ULK4: variants seen among roughly 807,000 people sequenced by gnomAD.
ULK4 encodes the protein unc-51 like kinase 4, also known as inactive serine/threonine-protein kinase ULK4.
A neutral mutation model predicts 160.6 loss-of-function variants in ULK4; 133 were observed. That is an observed-to-expected ratio of 0.83 (90% CI 0.72 to 0.96). The LOEUF (loss-of-function observed/expected upper bound fraction) is 0.96. Among genes scored for constraint, ULK4 ranks in the 40% least tolerant of loss-of-function variants. The pLI is 0.00. For missense variants in ULK4, 1,580 were observed against 1,499.5 expected, an observed-to-expected ratio of 1.05 and a Z score of -0.89; for synonymous variants, 534 against 539.8, an observed-to-expected ratio of 0.99 and a Z score of 0.15.
At chr3:41,580,745 A>C (rs2030250935) in intron 31 of ULK4, among the ~76,000 whole-genome samples, 1 of 152,194 alleles carries the variant, frequency 6.6e-6, no homozygotes, top group Non-Finnish European at 1.5e-5. Context: ...AGAAGCAAGC[A>C]GCAGGGAAGG....
At chr3:41,918,022 A>G (rs1326872012) in intron 7 of ULK4, among the ~76,000 whole-genome samples, 1 of 58,930 alleles carries the variant, frequency 1.7e-5, no homozygotes, top group East Asian at 7.2e-4. Context: ...TAAATAAATA[A>G]ATAAATAAAT....
At chr3:41,677,995 T>C (rs556754566) in intron 29 of ULK4, among the ~76,000 whole-genome samples, 12 of 152,066 alleles carry the variant, frequency 7.9e-5, no homozygotes, top group African/African-American at 2.9e-4. Flanking sequence ...GGGACACAGG[T>C]CTTTGCCTTT....
chr3:41,372,326 C>T (rs2081386848), intron 35 of ULK4, among the ~76,000 whole-genome samples: 1 of 151,926 alleles, frequency 6.6e-6, no homozygotes, highest in South Asian at 2.1e-4. Flanking sequence ...GAAGAGCAAC[C>T]CCAAGAAACA....
chr3:41,477,748 G>A (rs2084187750), intron 32 of ULK4, among the ~76,000 whole-genome samples: 1 of 152,196 alleles, frequency 6.6e-6, no homozygotes, highest in African/African-American at 2.4e-5. Context: ...TGAACTGTGG[G>A]GTCGCCATGG....
intron 35 of ULK4, among the ~76,000 whole-genome samples, chr3:41,306,769 A>G (rs137971004): frequency 0.55 from 82,346 of 149,896 alleles, 24,555 homozygotes; most frequent in African/African-American, 0.8. Context: ...GAAAGAAGTA[A>G]ACATGGGAGA....
intron 35 of ULK4, among the ~76,000 whole-genome samples, chr3:41,274,307 T>C (rs1377176320): frequency 6.6e-6 from 1 of 152,230 alleles, no homozygotes; most frequent in Non-Finnish European, 1.5e-5. Context: ...GTTGGATACC[T>C]GTGATATTTC....
chr3:41,545,517 C>A (rs1031145269), intron 32 of ULK4, among the ~76,000 whole-genome samples: 1 of 152,054 alleles, frequency 6.6e-6, no homozygotes, highest in Non-Finnish European at 1.5e-5. Flanking sequence ...TATTCATTAC[C>A]CTTTATGTAA....
intron 1 of ULK4, among the ~76,000 whole-genome samples, chr3:41,957,227 G>T (rs560333550): frequency 3.0e-4 from 45 of 152,118 alleles, no homozygotes; most frequent in African/African-American, 1.0e-3. Context: ...GCCGAGGTGG[G>T]CTGATCGCCT....
intron 35 of ULK4, among the ~76,000 whole-genome samples, chr3:41,286,740 T>C (rs986551524): frequency 6.6e-6 from 1 of 152,188 alleles, no homozygotes; most frequent in Non-Finnish European, 1.5e-5. Context: ...CAGGGTACCT[T>C]CCTTCTAGTC....
At chr3:41,653,755 C>G (rs565017719) in intron 30 of ULK4, among the ~76,000 whole-genome samples, 12 of 152,198 alleles carry the variant, frequency 7.9e-5, no homozygotes, top group Non-Finnish European at 1.5e-4. Flanking sequence ...CCACTCCTAC[C>G]TCACAGGCCT....
At position 41,376,957 on chromosome 3, in the gene ULK4, C is replaced by T. The variant is rs1240184220; in HGVS notation, c.3678+21122G>A. ...AAAGAACAAAGCTGGAGGCATCACA[C>T]TACCTGACTTCAAACTATACTACAA... On this transcript the variant is annotated intron_variant, in intron 35 of 36. Transcript: ENST00000301831. Among the ~76,000 whole-genome samples the T allele has an allele frequency of 1.1e-4, 16 of 150,646 alleles. No individual in the cohort carries two copies. The East Asian group carries it at 3.3e-3, about 31-fold the overall frequency.
At chr3:41,874,410 A>G (rs1697223714) in intron 17 of ULK4, among the ~76,000 whole-genome samples, 1 of 152,366 alleles carries the variant, frequency 6.6e-6, no homozygotes, top group Admixed American at 6.5e-5. Flanking sequence ...ATTCAATTCT[A>G]TAACCAATTC....
At chr3:41,462,553 A>G (rs2083712125) in intron 33 of ULK4, among the ~76,000 whole-genome samples, 1 of 152,210 alleles carries the variant, frequency 6.6e-6, no homozygotes, top group Non-Finnish European at 1.5e-5. Context: ...GGCTTTTTCC[A>G]TAGCCACTGA....
intron 25 of ULK4, among the ~76,000 whole-genome samples, chr3:41,710,843 T>A (rs901924244): frequency 7.2e-6 from 1 of 139,016 alleles, no homozygotes; most frequent in African/African-American, 2.6e-5. Context: ...GCATTCTAGG[T>A]GGAGTAAAGA....
At chr3:41,327,565 G>A (rs1259072302) in intron 35 of ULK4, among the ~76,000 whole-genome samples, 1 of 152,076 alleles carries the variant, frequency 6.6e-6, no homozygotes, top group East Asian at 1.9e-4. Flanking sequence ...CCTCTTCATT[G>A]TAGAATAGGC....
At chr3:41,319,961 G>A (rs776490330) in intron 35 of ULK4, among the ~76,000 whole-genome samples, 2 of 152,102 alleles carry the variant, frequency 1.3e-5, no homozygotes, top group African/African-American at 2.4e-5. Flanking sequence ...GTTTCTTCAC[G>A]TACAAAACTT....
chr3:41,488,068 T>C (rs900660375), intron 32 of ULK4, among the ~76,000 whole-genome samples: 5 of 152,154 alleles, frequency 3.3e-5, no homozygotes, highest in African/African-American at 9.7e-5. Flanking sequence ...GAAACCATTA[T>C]AAAAGATGAA....
intron 6 of ULK4, 118 bp from the exon 7 acceptor site, chr3:41,918,658 G>A (rs540985578): frequency 9.5e-6 from 5 of 523,994 alleles, no homozygotes; most frequent in African/African-American, 8.9e-5. Context: ...CTGGAGTGCA[G>A]TGGCGCAATC....
chr3:41,568,302 C>G (rs558167574), intron 31 of ULK4, among the ~76,000 whole-genome samples: 2 of 152,348 alleles, frequency 1.3e-5, no homozygotes, highest in African/African-American at 4.8e-5. Flanking sequence ...GCAGGGGAAG[C>G]TGCAATGCTA....
Sources: gnomAD v4.1 joint callset for allele counts (sites outside exome capture counted in the v4.1 genomes callset) on GRCh38, gnomAD v4.1.1 for gene constraint, MANE v1.5 for transcripts, NCBI Gene and HGNC (gene_info 2026-07-23, HGNC 2026-07-21) for gene names.